Variants in CCDC6 observed in about 807,000 individuals in gnomAD.
The protein encoded by CCDC6 is coiled-coil domain containing 6, also known as coiled-coil domain-containing protein 6.
Under a neutral mutation model 56.6 loss-of-function variants are expected in CCDC6, and 20 were observed. The ratio of observed to expected loss-of-function variants is 0.35; its 90% CI spans 0.25 to 0.51. The LOEUF is 0.51. Among genes scored for constraint, CCDC6 ranks in the 20% least tolerant of loss-of-function variants. The pLI, the probability that CCDC6 is intolerant of heterozygous loss-of-function variation, is 0.95. For synonymous variants in CCDC6, 241 were observed against 234.4 expected (o/e 1.03, Z -0.26); for missense variants, 367 against 601.1 (o/e 0.61, Z 4.07).
At chr10:59,870,101 T>C (rs2071215607) in intron 1 of CCDC6, among the ~76,000 whole-genome samples, 1 of 152,180 alleles carries the variant, frequency 6.6e-6, no homozygotes, top group Non-Finnish European at 1.5e-5. Flanking sequence ...ATCTTTTTAC[T>C]GTTTGTCACC....
chr10:59,852,068 T>C (rs545458932), intron 2 of CCDC6, among the ~76,000 whole-genome samples: 2 of 152,340 alleles, frequency 1.3e-5, no homozygotes, highest in East Asian at 1.9e-4. Context: ...AGTAACATAT[T>C]ACTCACCCAT....
intron 2 of CCDC6, among the ~76,000 whole-genome samples, chr10:59,833,050 C>T (rs2070846997): frequency 1.3e-5 from 2 of 152,198 alleles, no homozygotes; most frequent in Admixed American, 6.5e-5. Flanking sequence ...ATTCAGAATG[C>T]TATTTCCAGT....
intron 3 of CCDC6, among the ~76,000 whole-genome samples, chr10:59,823,677 A>C (rs1336308520): frequency 1.3e-5 from 2 of 152,196 alleles, no homozygotes; most frequent in African/African-American, 4.8e-5. Flanking sequence ...TCTTTATCCA[A>C]AATGGAAGTT....
intron 2 of CCDC6, among the ~76,000 whole-genome samples, chr10:59,834,740 A>G (rs1240750974): frequency 6.6e-6 from 1 of 152,198 alleles, no homozygotes; most frequent in Non-Finnish European, 1.5e-5. Context: ...AGGTGCTTAC[A>G]GTGACAAGTC....
chr10:59,834,718 G>GC (rs1388260091), intron 2 of CCDC6, among the ~76,000 whole-genome samples: 3 of 152,250 alleles, frequency 2.0e-5, no homozygotes, highest in African/African-American at 7.2e-5. Context: ...CAAGAGAAAA[G>GC]CAGGTGTAAG....
Position 59,836,163 on chromosome 10 carries a change from T to G in CCDC6, c.454-3510A>C, listed in dbSNP as rs188072114. Reference sequence around the variant, plus strand: ...GAGCAAGAGGTAGGAGGCAAATGTGTGCATAGGGACCTTGAAGGACTAATA... The same window carrying G: ...GAGCAAGAGGTAGGAGGCAAATGTGGGCATAGGGACCTTGAAGGACTAATA... On this transcript the variant is annotated intron_variant, in intron 2 of 8. Transcript: ENST00000263102. 5.9e-5 allele frequency among the ~76,000 whole-genome samples: 9 copies of G among 151,604 alleles called. No individual in the cohort carries two copies. In the East Asian group the frequency reaches 1.6e-3, roughly 26 times the overall value.
At chr10:59,815,186 CCAAA>C (rs756488339) in intron 3 of CCDC6, among the ~76,000 whole-genome samples, 1 of 152,054 alleles carries the variant, frequency 6.6e-6, no homozygotes, top group East Asian at 1.9e-4. Context: ...TTAAAAGCTC[CCAAA>C]CACTCTACAT....
At chr10:59,813,263 C>T (rs1476092894) in intron 4 of CCDC6, among the ~76,000 whole-genome samples, 1 of 152,118 alleles carries the variant, frequency 6.6e-6, no homozygotes, top group Admixed American at 6.6e-5. Flanking sequence ...TTCTAAAATT[C>T]CCTCCTGCAA....
At chr10:59,812,543 A>G in intron 5 of CCDC6, 92 bp downstream of exon 5, 1 of 821,264 alleles carries the variant, frequency 1.2e-6, no homozygotes, top group Non-Finnish European at 1.8e-6. Flanking sequence ...ATTACTGCAA[A>G]TTCAACAGTA....
At chr10:59,801,143 T>G (rs2070571642) in intron 7 of CCDC6, among the ~76,000 whole-genome samples, 1 of 152,156 alleles carries the variant, frequency 6.6e-6, no homozygotes, top group South Asian at 2.1e-4. Flanking sequence ...TTATTTCTGC[T>G]TTTTATACCC....
At chr10:59,902,388 CTTTTTTTTTTTTT>C (rs35175510) in intron 1 of CCDC6, among the ~76,000 whole-genome samples, 1 of 88,422 alleles carries the variant, frequency 1.1e-5, no homozygotes, top group African/African-American at 4.3e-5. Flanking sequence ...AACAGTAACT[CTTTTTTTTTTTTT>C]TTTTTTTTTT....
chr10:59,846,779 C>A (rs919352837), intron 2 of CCDC6, among the ~76,000 whole-genome samples: 3 of 152,148 alleles, frequency 2.0e-5, no homozygotes, highest in Non-Finnish European at 4.4e-5. Context: ...ATGTAATATG[C>A]AGTACTCTTC....
chr10:59,882,071 G>GGGGAGAAGGAAAGGAAAGC (rs2071343205), intron 1 of CCDC6, among the ~76,000 whole-genome samples: 2 of 32,138 alleles, frequency 6.2e-5, no homozygotes, highest in African/African-American at 2.8e-4. Flanking sequence ...AAGGAAAGCC[G>GGGGAGAAGGAAAGGAAAGC]CGGGGAGAAG....
chr10:59,888,124 G>GA (rs777718283), intron 1 of CCDC6, among the ~76,000 whole-genome samples: 2 of 152,216 alleles, frequency 1.3e-5, no homozygotes, highest in African/African-American at 2.4e-5. Context: ...TACCTGTCCA[G>GA]AAAACGTGTC....
rs138046718 is a variant in CCDC6, at chr10:59,813,121, T to G, written c.687-326A>C. 5.4e-3 allele frequency among the ~76,000 whole-genome samples: 825 copies of G among 152,344 alleles called. 6 individuals carry two copies. The highest frequency in any genetic ancestry group is 0.019 in the African/African-American group (777 of 41,574). On this transcript the variant is annotated intron_variant, in intron 4 of 8. Coordinates refer to ENST00000263102, the MANE Select transcript of CCDC6 (RefSeq NM_005436.5). ...ACAGTATGCACTTAGAAATACCTGC[T>G]GACTCAATGTTCAACTTCTTGGGTT... is the stretch of plus-strand genomic sequence containing the variant.
intron 3 of CCDC6, among the ~76,000 whole-genome samples, chr10:59,818,263 C>T (rs547334385): frequency 4.6e-5 from 7 of 152,216 alleles, no homozygotes; most frequent in Admixed American, 3.3e-4. Flanking sequence ...TGGAGCTCTA[C>T]GTGAATCTCG....
At chr10:59,808,040 C>A (rs1351581422) in intron 5 of CCDC6, among the ~76,000 whole-genome samples, 1 of 152,188 alleles carries the variant, frequency 6.6e-6, no homozygotes, top group African/African-American at 2.4e-5. Context: ...GACTCACACA[C>A]ACGTAGCGGC....
At chr10:59,869,389 C>CAAA (rs1167007522) in intron 1 of CCDC6, among the ~76,000 whole-genome samples, 88 of 6,096 alleles carry the variant, frequency 0.014, 23 homozygotes, top group Non-Finnish European at 0.02. Context: ...CTTGCTCAGG[C>CAAA]AAAAAAAAAA....
Position 59,807,088 on chromosome 10 carries a change from CAG to C in CCDC6, c.848-12_848-11del, listed in dbSNP as rs1564738618. ...GCCATTTTCTCTGAATCTGAAAAGT[CAG>C]AGTTTTCAATTAAACCATGTTTCAT... is the stretch of plus-strand genomic sequence containing the variant. On this transcript the variant is annotated splice_polypyrimidine_tract_variant and intron_variant, in intron 5 of 8. Transcript: ENST00000263102. 3.7e-6 allele frequency: 6 copies of C among 1,612,000 alleles called. No homozygotes were observed. The highest frequency in any genetic ancestry group is 1.3e-5 in the African/African-American group (1 of 74,752).
Sources: allele counts gnomAD v4.1 joint callset (sites outside exome capture counted in the v4.1 genomes callset), GRCh38; gene constraint gnomAD v4.1.1; transcripts MANE v1.5; gene names NCBI Gene and HGNC (gene_info 2026-07-23, HGNC 2026-07-21).